MORC1: variants seen among roughly 807,000 people sequenced by gnomAD.
The protein encoded by MORC1 is MORC family CW-type zinc finger 1.
A neutral mutation model predicts 134.9 loss-of-function variants in MORC1; 59 were observed. That is an observed-to-expected ratio of 0.44 (90% confidence interval 0.35 to 0.54). MORC1 has a LOEUF of 0.54. Ranked by LOEUF, MORC1 falls within the 20% of genes least tolerant of loss-of-function variation. MORC1 has a pLI of 0.00. For missense variants in MORC1, 947 were observed against 1,134.5 expected, an observed-to-expected ratio of 0.83 and a Z score of 2.37; for synonymous variants, 395 against 391.7, an observed-to-expected ratio of 1.01 and a Z score of -0.10.
At chr3:108,974,294 T>C (rs1947487040) in intron 24 of MORC1, among the ~76,000 whole-genome samples, 1 of 152,220 alleles carries the variant, frequency 6.6e-6, no homozygotes, top group Non-Finnish European at 1.5e-5. Context: ...GCAATTAGAT[T>C]CTGTAAAAAC....
At chr3:109,036,404 A>G (rs1949381555) in intron 14 of MORC1, among the ~76,000 whole-genome samples, 1 of 152,194 alleles carries the variant, frequency 6.6e-6, no homozygotes, top group African/African-American at 2.4e-5. Flanking sequence ...AACAGTGGAT[A>G]TCTTTAGAGC....
chr3:109,076,475 G>T (rs902937910), intron 8 of MORC1, among the ~76,000 whole-genome samples: 3 of 152,120 alleles, frequency 2.0e-5, no homozygotes, highest in Non-Finnish European at 4.4e-5. Context: ...TCCCATTACT[G>T]GGTATACACC....
chr3:109,039,550 G>A (rs183105489), intron 14 of MORC1, among the ~76,000 whole-genome samples: 6 of 152,226 alleles, frequency 3.9e-5, no homozygotes, highest in Admixed American at 3.9e-4. Flanking sequence ...GGGAACTCTG[G>A]AGTCTACTGA....
chr3:109,038,889 T>C (rs763918420), intron 14 of MORC1, among the ~76,000 whole-genome samples: 8 of 152,154 alleles, frequency 5.3e-5, no homozygotes, highest in Non-Finnish European at 1.2e-4. Flanking sequence ...CCAGCTTTGT[T>C]CTTTTTGCTT....
At chr3:109,111,662 C>A (rs1434571156) in intron 2 of MORC1, among the ~76,000 whole-genome samples, 4 of 152,110 alleles carry the variant, frequency 2.6e-5, no homozygotes, top group African/African-American at 9.7e-5. Context: ...GAAGACTTAG[C>A]TGATGAGGAA....
At chr3:109,024,141 A>G (rs1482113095) in intron 17 of MORC1, among the ~76,000 whole-genome samples, 1 of 152,174 alleles carries the variant, frequency 6.6e-6, no homozygotes, top group East Asian at 1.9e-4. Flanking sequence ...CCCTTAACAA[A>G]TATGATTTGC....
chr3:108,997,589 T>C (rs556000559), intron 21 of MORC1, among the ~76,000 whole-genome samples: 1 of 152,140 alleles, frequency 6.6e-6, no homozygotes, highest in East Asian at 1.9e-4. Flanking sequence ...AATAAGAGCA[T>C]TCAATCAAGA....
intron 8 of MORC1, among the ~76,000 whole-genome samples, chr3:109,081,005 T>C (rs1487572481): frequency 6.6e-6 from 1 of 152,106 alleles, no homozygotes; most frequent in Non-Finnish European, 1.5e-5. Flanking sequence ...ATTAAATTAA[T>C]CCTTCACCCT....
rs983450433 is a variant in MORC1, at chr3:109,012,641, G to A, written c.1705-5550C>T. On this transcript the variant is annotated intron_variant, in intron 17 of 27. Coordinates refer to ENST00000232603, the MANE Select transcript of MORC1 (RefSeq NM_014429.4). ...CAGGTCTTACATGTATTTCGTCAAC[G>A]TTATCTGTAAGTAGTTCATATATTT... Among the ~76,000 whole-genome samples the A allele has an allele frequency of 3.9e-5, 6 of 152,176 alleles. No individual in the cohort carries two copies. The South Asian group carries it at 6.2e-4, about 16-fold the overall frequency.
intron 18 of MORC1, 100 bp downstream of exon 18, chr3:109,006,929 G>T: frequency 1.2e-6 from 1 of 836,652 alleles, no homozygotes. Flanking sequence ...TTCACTATGT[G>T]AACCTCATAA....
intron 20 of MORC1, among the ~76,000 whole-genome samples, chr3:109,002,957 C>T (rs191719180): frequency 2.6e-5 from 4 of 152,252 alleles, no homozygotes; most frequent in Admixed American, 2.0e-4. Flanking sequence ...AAATGCTGTT[C>T]TCATTGCTTA....
rs2107336044 is a variant in MORC1 at position 108,959,092 on chromosome 3, G to A, written c.2828C>T (p.Thr943Ile). The change falls in exon 28 of 28, where the codon ACT becomes ATT. Residue 943 changes from threonine to isoleucine, a missense_variant. This residue lies in a region of MORC1 where 722 missense variants were observed against 817.0 expected (regional missense o/e 0.88). Transcript: ENST00000232603. ...LGGPEGDLEQTDTYLEALLKE... is the reference protein window; with the variant it reads ...LGGPEGDLEQIDTYLEALLKE... ...AAGCAAAGCTTCTAAATAAGTGTCAGTCTGCTCCAGGTCACCTTCTGGACC... is the reference window on the plus strand; with the variant it reads ...AAGCAAAGCTTCTAAATAAGTGTCAATCTGCTCCAGGTCACCTTCTGGACC... 1.3e-6 allele frequency: 2 copies of A among 1,582,472 alleles called. No individual in the cohort carries two copies. The highest frequency in any genetic ancestry group is 1.7e-6 in the Non-Finnish European group (2 of 1,167,830).
intron 21 of MORC1, among the ~76,000 whole-genome samples, chr3:108,994,714 C>G (rs1209309389): frequency 6.6e-6 from 1 of 151,994 alleles, no homozygotes; most frequent in Admixed American, 6.6e-5. Flanking sequence ...ATCGCTCTGT[C>G]TTGAGCCTCA....
chr3:108,977,876 T>C (rs1463556495), intron 24 of MORC1, among the ~76,000 whole-genome samples: 1 of 152,126 alleles, frequency 6.6e-6, no homozygotes, highest in Non-Finnish European at 1.5e-5. Flanking sequence ...TCTAGATCAT[T>C]GGATAAGTGG....
chr3:109,083,106 G>C (rs971414917), intron 8 of MORC1, among the ~76,000 whole-genome samples: 2 of 152,006 alleles, frequency 1.3e-5, no homozygotes, highest in African/African-American at 4.8e-5. Flanking sequence ...AAATCATACA[G>C]GACAGTAGAC....
At chr3:108,968,991 T>C (rs1947296160) in intron 26 of MORC1, among the ~76,000 whole-genome samples, 1 of 151,932 alleles carries the variant, frequency 6.6e-6, no homozygotes. Context: ...AATAAGGGAT[T>C]TGAGGACATA....
At chr3:108,978,834 A>C (rs1236960408) in intron 24 of MORC1, among the ~76,000 whole-genome samples, 2 of 152,138 alleles carry the variant, frequency 1.3e-5, no homozygotes, top group African/African-American at 4.8e-5. Context: ...CTTAAAACCC[A>C]ACAAAAGTCT....
rs1367526527 is a variant in MORC1, at chr3:108,996,284, G to GCA, written c.2187+4272_2187+4273insTG. 9.0e-5 allele frequency among the ~76,000 whole-genome samples: 7 copies of GCA among 77,572 alleles called. No individual in the cohort carries two copies. In the East Asian group the frequency reaches 1.1e-3, roughly 13 times the overall value. 50.9% of individuals were successfully genotyped at this position (77,572 alleles called of 152,430 possible). ...CACATGTGCGCGTGCGTGCGCGCGC[G>GCA]CGCACACACACACACACACACACAA... is the stretch of plus-strand genomic sequence containing the variant. On this transcript the variant is annotated intron_variant, in intron 21 of 27. Coordinates refer to ENST00000232603, the MANE Select transcript of MORC1 (RefSeq NM_014429.4).
chr3:109,068,673 T>C (rs1025920872), intron 9 of MORC1, among the ~76,000 whole-genome samples: 12 of 152,238 alleles, frequency 7.9e-5, no homozygotes, highest in African/African-American at 2.9e-4. Context: ...GCTATAAACA[T>C]GCATGTGCAA....
Sources: allele counts gnomAD v4.1 joint callset (sites outside exome capture counted in the v4.1 genomes callset), GRCh38; gene constraint gnomAD v4.1.1; regional missense constraint gnomAD v4.1.1; transcripts MANE v1.5; gene names NCBI Gene and HGNC (gene_info 2026-07-23, HGNC 2026-07-21).